The following ATG2B variants were observed in gnomAD, a reference collection of about 807,000 sequenced individuals.
The protein encoded by ATG2B is autophagy-related protein 2 homolog B.
Under a neutral mutation model 241.3 loss-of-function variants are expected in ATG2B, and 121 were observed. That is an observed-to-expected ratio of 0.50 (90% CI 0.43 to 0.58). The LOEUF (loss-of-function observed/expected upper bound fraction) is 0.58. Ranked by LOEUF, ATG2B falls within the 20% of genes least tolerant of loss-of-function variation. The probability of loss-of-function intolerance (pLI) is 0.00; values close to 1 mark genes in which losing one functional copy is unlikely to be tolerated. For synonymous variants in ATG2B, 858 were observed against 876.6 expected, an observed-to-expected ratio of 0.98 and a Z score of 0.37; for missense variants, 2,306 against 2,491.6, an observed-to-expected ratio of 0.93 and a Z score of 1.59.
chr14:96,306,570 CAACT>C, intron 30 of ATG2B, 140 bp downstream of exon 30: 3 of 640,106 alleles, frequency 4.7e-6, no homozygotes, highest in South Asian at 4.9e-5. Context: ...AACCATTCAC[CAACT>C]GTCAATAGTA....
chr14:96,315,628 T>C, intron 21 of ATG2B, 45 bp from the exon 22 acceptor site: 1 of 1,465,582 alleles, frequency 6.8e-7, no homozygotes. Flanking sequence ...AATGATTACT[T>C]GAAATTAGCT....
intron 34 of ATG2B, among the ~76,000 whole-genome samples, chr14:96,300,098 C>T (rs954040771): frequency 6.6e-6 from 1 of 152,190 alleles, no homozygotes; most frequent in Non-Finnish European, 1.5e-5. Context: ...ATTTCTCATT[C>T]TTCCTCAAGG....
chr14:96,308,233 T>TAC (rs1887018423), intron 29 of ATG2B, among the ~76,000 whole-genome samples: 1 of 14,368 alleles, frequency 7.0e-5, no homozygotes, highest in Non-Finnish European at 1.8e-4. Context: ...TATATATACA[T>TAC]ATATATATAT....
chr14:96,290,614 A>G lies in ATG2B; in HGVS notation c.5702-24T>C, dbSNP rs1886458522. The G allele has an allele frequency of 6.2e-6, 10 of 1,612,502 alleles. No homozygotes were observed. Among genetic ancestry groups the G allele is most frequent in the Non-Finnish European group, 7.6e-6 (9 of 1,179,000 alleles). On this transcript the variant is annotated intron_variant, in intron 39 of 41. Transcript: ENST00000359933. The surrounding 1 kb of genome is among the most constrained non-coding windows in gnomAD (Gnocchi z 4.4). Reference sequence around the variant, plus strand: ...TACTACAACAGTCAACACAAAATCAACATCAGTGCCACAGTTCAGACTTTT... The same window carrying G: ...TACTACAACAGTCAACACAAAATCAGCATCAGTGCCACAGTTCAGACTTTT...
At chr14:96,355,942 C>A (rs555504392) in intron 1 of ATG2B, among the ~76,000 whole-genome samples, 1 of 152,028 alleles carries the variant, frequency 6.6e-6, no homozygotes, top group East Asian at 1.9e-4. Context: ...GAGGCAGAGG[C>A]GGGGGAACAC....
Position 96,285,560 on chromosome 14 carries a change from T to C in ATG2B, c.*195A>G. On this transcript the variant is annotated 3_prime_UTR_variant, in exon 42 of 42. Transcript: ENST00000359933. This position sits in a 1 kb window ranked among gnomAD's most constrained non-coding sequence, Gnocchi z 4.2. ...TTTGACACCAGCCACCAAACATTTC[T>C]ATAGGCAAGTATCAACTATAAATGT... The C allele has an allele frequency of 1.7e-6, 1 of 596,340 alleles. No individual in the cohort carries two copies. The highest frequency in any genetic ancestry group is 3.0e-6 in the Non-Finnish European group (1 of 337,818). The allele number at this position is 596,340 out of a possible 1,614,324, so 36.9% of individuals were successfully genotyped here.
In ATG2B at chr14:96,283,115, G is replaced by A. The variant is rs1886242330; in HGVS notation, c.*2640C>T. ...TTAGCTCCATTCAAGAGGAAGACAC[G>A]GTTGTGGCCTCAGCTGCCTCTCTAC... is the stretch of plus-strand genomic sequence containing the variant. On this transcript the variant is annotated 3_prime_UTR_variant, in exon 42 of 42. Transcript: ENST00000359933. 6.6e-6 allele frequency: 1 copy of A among 152,204 alleles called. No individual in the cohort carries two copies. Among genetic ancestry groups the A allele is most frequent in the Non-Finnish European group, 1.5e-5 (1 of 68,068 alleles). The allele number at this position is 152,204 out of a possible 1,614,324, so 9.4% of individuals were successfully genotyped here. A position where few individuals can be genotyped will look rare whatever the true frequency, so the allele number is the denominator to read the frequency against.
intron 34 of ATG2B, among the ~76,000 whole-genome samples, chr14:96,301,140 T>A (rs962771401): frequency 6.6e-6 from 1 of 152,278 alleles, no homozygotes; most frequent in African/African-American, 2.4e-5. Context: ...TTAACATTAC[T>A]GATCCCTAAC....
At chr14:96,294,616 A>G (rs531070319) in intron 36 of ATG2B, among the ~76,000 whole-genome samples, 2 of 152,340 alleles carry the variant, frequency 1.3e-5, no homozygotes, top group East Asian at 1.9e-4. Flanking sequence ...TGAGATACAT[A>G]AAGGAAAAAA....
At chr14:96,308,197 T>C (rs1482161080) in intron 29 of ATG2B, among the ~76,000 whole-genome samples, 3 of 133,164 alleles carry the variant, frequency 2.3e-5, no homozygotes, top group South Asian at 2.3e-4. Flanking sequence ...AATATATATA[T>C]ACATATATAT....
At chr14:96,349,311 T>A (rs1378172112) in intron 1 of ATG2B, among the ~76,000 whole-genome samples, 1 of 152,248 alleles carries the variant, frequency 6.6e-6, no homozygotes, top group South Asian at 2.1e-4. Flanking sequence ...GACAAGGCTA[T>A]GTAGATAAAG....
In ATG2B at chr14:96,351,534, G is replaced by A. The variant is rs189294776; in HGVS notation, c.163-4193C>T. ...GCAGATTGCCTGAGGTCAGGAGTTT[G>A]AGACCAGCCTGGCCAACATGGTGAA... On this transcript the variant is annotated intron_variant, in intron 1 of 41. Coordinates refer to ENST00000359933, the MANE Select transcript of ATG2B (RefSeq NM_018036.7). 3.9e-3 allele frequency among the ~76,000 whole-genome samples: 587 copies of A among 152,192 alleles called. 6 individuals are homozygous for A. Among genetic ancestry groups the A allele is most frequent in the African/African-American group, 0.013 (541 of 41,526 alleles).
Position 96,318,111 on chromosome 14 carries a change from C to T in ATG2B, c.2880-256G>A, listed in dbSNP as rs1595308833. The T allele has an allele frequency of 2.7e-5, 8 of 294,560 alleles. No homozygotes were observed. In the East Asian group the frequency reaches 3.5e-4, roughly 13 times the overall value. 18.2% of individuals were successfully genotyped at this position (294,560 alleles called of 1,614,324 possible). ...ATTAGATACCTAAATAGATACTTGC[C>T]TAATTTTACCTATGTTATATACATC... On this transcript the variant is annotated intron_variant, in intron 18 of 41. Coordinates refer to ENST00000359933, the MANE Select transcript of ATG2B (RefSeq NM_018036.7).
chr14:96,345,383 T>G lies in ATG2B; in HGVS notation c.328A>C (p.Thr110Pro). 8.8e-6 allele frequency: 14 copies of G among 1,592,296 alleles called. No homozygotes were observed. The highest frequency in any genetic ancestry group is 1.2e-5 in the Non-Finnish European group (14 of 1,173,120). The change falls in exon 3 of 42, where the codon ACT becomes CCT. Residue 110 changes from threonine (T) to proline (P), a missense_variant and splice_region_variant. By Grantham distance (38) the Thr-to-Pro change is conservative (BLOSUM62 -1). Around this residue, in one of 2 missense-constraint regions of ATG2B, gnomAD observed 1,927 missense variants for 2,011.2 expected, o/e 0.96. Transcript: ENST00000359933. The part of the protein sequence containing the change: ...MVFRPRPRPA[T>P]GSEPMYWSSF... ...GACCAATACATAGGCTCAGAACCAGTTGCTGTGGAAAATATAAATTAATCC... is the reference window on the plus strand; with the variant it reads ...GACCAATACATAGGCTCAGAACCAGGTGCTGTGGAAAATATAAATTAATCC...
intron 2 of ATG2B, 131 bp from the exon 3 acceptor site, chr14:96,345,516 G>A: frequency 8.6e-6 from 5 of 583,816 alleles, no homozygotes; most frequent in South Asian, 4.1e-5. Flanking sequence ...ATGTTACCCA[G>A]GTAAACAATA....
At position 96,329,585 on chromosome 14, in the gene ATG2B, C is replaced by T. The variant is rs759984034; in HGVS notation, c.1780G>A (p.Ala594Thr). 2 of 1,610,902 alleles carry T rather than the reference C, an allele frequency of 1.2e-6. No individual in the cohort carries two copies. Residue 594 changes from alanine (A) to threonine (T), a missense_variant, in exon 12 of 42, where the codon GCT (alanine) becomes ACT (threonine). Ala to Thr is a moderately conservative substitution (Grantham distance 58). Around this residue, in one of 2 missense-constraint regions of ATG2B, gnomAD observed 1,927 missense variants for 2,011.2 expected, o/e 0.96. Coordinates refer to ENST00000359933, the MANE Select transcript of ATG2B (RefSeq NM_018036.7). ...ATATCAGTACTAAAATATCGGGAAG[C>T]TGATCTTTGTCTTTGTTCATAGGAT... is the stretch of plus-strand genomic sequence containing the variant. ...KVSYEQRQRS[A>T]SRYFSTDMSI...
chr14:96,354,546 G>A lies in ATG2B; in HGVS notation c.163-7205C>T, dbSNP rs140720666. On this transcript the variant is annotated intron_variant, in intron 1 of 41. Transcript: ENST00000359933. ...ACTGATGGGCATTTGGGTTGATTCC[G>A]TGTCTTTGCTATTGTCAACAGTACT... Among the ~76,000 whole-genome samples the A allele has an allele frequency of 6.4e-3, 972 of 152,226 alleles. 15 individuals are homozygous for A. Among genetic ancestry groups the A allele is most frequent in the African/African-American group, 0.022 (919 of 41,516 alleles).
At chr14:96,340,209 TTGTGTGTGTG>T (rs199502512) in intron 6 of ATG2B, among the ~76,000 whole-genome samples, 10 of 90,390 alleles carry the variant, frequency 1.1e-4, no homozygotes, top group East Asian at 7.5e-4. Flanking sequence ...ACACACATCT[TTGTGTGTGTG>T]TGTGTGTGTG....
chr14:96,297,786 C>CA (rs1184296722), intron 34 of ATG2B, among the ~76,000 whole-genome samples: 1 of 151,780 alleles, frequency 6.6e-6, no homozygotes, highest in Non-Finnish European at 1.5e-5. Flanking sequence ...ACCAACAACT[C>CA]AATTTTATTT....
Sources: allele counts gnomAD v4.1 joint callset (sites outside exome capture counted in the v4.1 genomes callset), GRCh38; gene constraint gnomAD v4.1.1; regional missense constraint gnomAD v4.1.1; non-coding constraint Gnocchi (gnomAD v3.1); transcripts MANE v1.5; gene names NCBI Gene and HGNC (gene_info 2026-07-23, HGNC 2026-07-21).